Variants in SNX29 observed in about 807,000 individuals in gnomAD.
SNX29 encodes the protein sorting nexin 29, also known as sorting nexin-29.
In SNX29, 78 loss-of-function variants were observed where a neutral mutation model predicts 102.1. The ratio of observed to expected loss-of-function variants is 0.76; its 90% confidence interval spans 0.64 to 0.92. The LOEUF is 0.92. Among genes scored for constraint, SNX29 ranks in the 40% least tolerant of loss-of-function variants. The pLI is 0.00. For synonymous variants in SNX29, 580 were observed against 414.5 expected (o/e 1.40, Z -4.85); for missense variants, 1,280 against 1,061.7 (o/e 1.21, Z -2.86).
intron 1 of SNX29, among the ~76,000 whole-genome samples, chr16:11,984,605 TCCTCTCTCCCTCTCCTC>T (rs897681408): frequency 7.2e-5 from 11 of 152,116 alleles, no homozygotes; most frequent in African/African-American, 2.2e-4. Flanking sequence ...TAGCCTATCT[TCCTCTCTCCCTCTCCTC>T]CCTCTCTCCC....
At chr16:12,496,598 C>T (rs183710136) in intron 19 of SNX29, among the ~76,000 whole-genome samples, 27 of 150,214 alleles carry the variant, frequency 1.8e-4, no homozygotes, top group Admixed American at 5.3e-4. Context: ...GCAACCTCTG[C>T]CTCCTGGGTT....
At chr16:12,259,878 T>TCTCTG (rs2078682903) in intron 14 of SNX29, among the ~76,000 whole-genome samples, 1 of 147,208 alleles carries the variant, frequency 6.8e-6, no homozygotes, top group Admixed American at 6.8e-5. Flanking sequence ...ATAATGGACC[T>TCTCTG]CTCTGCTCAG....
chr16:12,039,132 A>T (rs2057559150), intron 4 of SNX29, among the ~76,000 whole-genome samples: 1 of 152,198 alleles, frequency 6.6e-6, no homozygotes, highest in African/African-American at 2.4e-5. Flanking sequence ...ACTCATACAG[A>T]TGTATACATT....
At chr16:12,039,020 G>T (rs753032012) in intron 4 of SNX29, among the ~76,000 whole-genome samples, 2 of 152,190 alleles carry the variant, frequency 1.3e-5, no homozygotes, top group Non-Finnish European at 2.9e-5. Flanking sequence ...TGAGACACAA[G>T]ATAGTCTCGA....
chr16:12,564,275 C>T (rs1178430168), intron 20 of SNX29, among the ~76,000 whole-genome samples: 1 of 152,168 alleles, frequency 6.6e-6, no homozygotes, highest in African/African-American at 2.4e-5. Flanking sequence ...GATGCCTCTA[C>T]CAGTAAAAGT....
intron 9 of SNX29, among the ~76,000 whole-genome samples, chr16:12,066,980 AAAATAAATAAATAAATAAAT>A (rs34221283): frequency 1.0e-3 from 135 of 133,746 alleles, no homozygotes; most frequent in Non-Finnish European, 5.9e-4. Flanking sequence ...CCGTGTCTCT[AAAATAAATAAATAAATAAAT>A]AAATAAATAA....
intron 14 of SNX29, among the ~76,000 whole-genome samples, chr16:12,233,115 C>T (rs1179217764): frequency 6.6e-6 from 1 of 151,914 alleles, no homozygotes; most frequent in African/African-American, 2.4e-5. Context: ...CTTTGTCTTC[C>T]TCCTCCTCCT....
At chr16:12,342,678 T>G (rs1447328853) in intron 15 of SNX29, among the ~76,000 whole-genome samples, 1 of 152,202 alleles carries the variant, frequency 6.6e-6, no homozygotes, top group Non-Finnish European at 1.5e-5. Flanking sequence ...AGAGCTCCTA[T>G]GGCCACCATT....
chr16:11,990,091 G>C (rs979173319), intron 1 of SNX29, among the ~76,000 whole-genome samples: 2 of 152,176 alleles, frequency 1.3e-5, no homozygotes, highest in African/African-American at 4.8e-5. Flanking sequence ...TGTTTCACCA[G>C]GGCGGCCAGC....
chr16:12,466,578 G>T (rs767919378), intron 18 of SNX29, among the ~76,000 whole-genome samples: 7 of 152,188 alleles, frequency 4.6e-5, no homozygotes, highest in Non-Finnish European at 1.0e-4. Context: ...TCTTTGAAAG[G>T]GGCCTTCATG....
chr16:12,533,496 T>G, intron 20 of SNX29, among the ~76,000 whole-genome samples: 1 of 152,198 alleles, frequency 6.6e-6, no homozygotes, highest in Non-Finnish European at 1.5e-5. Context: ...CTGGACAGAC[T>G]TGTCACATCA....
rs1408882934 is a variant in SNX29, at chr16:12,399,119, C to T, written c.1955+618C>T. Among the ~76,000 whole-genome samples, 6 of 152,158 alleles carry T rather than the reference C, an allele frequency of 3.9e-5. No homozygotes were observed. The East Asian group carries it at 5.8e-4, about 15-fold the overall frequency. ...AGGCTGGAGTGCAGTGGCACGATCT[C>T]GGCTCATTGCACCCTCCGCCTACCG... On this transcript the variant is annotated intron_variant, in intron 17 of 20. Transcript: ENST00000566228.
At position 12,230,972 on chromosome 16, in the gene SNX29, G is replaced by A. The variant is rs540578202; in HGVS notation, c.1678+31289G>A. 8.6e-5 allele frequency among the ~76,000 whole-genome samples: 13 copies of A among 152,032 alleles called. No individual in the cohort carries two copies. The South Asian group carries it at 2.7e-3, about 32-fold the overall frequency. On this transcript the variant is annotated intron_variant, in intron 14 of 20. Transcript: ENST00000566228. ...AGCGATTCTCCTGCCTCAGCCTCCCGAGTAGCTGGGACTATCTGTAGGCAT... is the reference window on the plus strand; with the variant it reads ...AGCGATTCTCCTGCCTCAGCCTCCCAAGTAGCTGGGACTATCTGTAGGCAT...
intron 15 of SNX29, among the ~76,000 whole-genome samples, chr16:12,285,178 C>T (rs945170948): frequency 1.3e-5 from 2 of 152,166 alleles, no homozygotes; most frequent in African/African-American, 2.4e-5. Context: ...CAGTAGATGC[C>T]GTTTCCCTTC....
chr16:12,564,112 G>A (rs1030874412), intron 20 of SNX29, among the ~76,000 whole-genome samples: 1 of 152,106 alleles, frequency 6.6e-6, no homozygotes, highest in African/African-American at 2.4e-5. Flanking sequence ...TCCTTGATTG[G>A]GTGTGGTGGA....
chr16:12,563,742 C>G (rs1423089546), intron 20 of SNX29, among the ~76,000 whole-genome samples: 1 of 152,228 alleles, frequency 6.6e-6, no homozygotes, highest in African/African-American at 2.4e-5. Flanking sequence ...TCATTCTTTA[C>G]CCAACAGCCA....
intron 14 of SNX29, among the ~76,000 whole-genome samples, chr16:12,262,657 A>G (rs1050364454): frequency 1.3e-5 from 2 of 152,228 alleles, no homozygotes; most frequent in African/African-American, 4.8e-5. Flanking sequence ...AAAACCAGTA[A>G]GAGTACATAA....
intron 11 of SNX29, among the ~76,000 whole-genome samples, chr16:12,092,537 A>T (rs138475099): frequency 6.6e-6 from 1 of 152,092 alleles, no homozygotes; most frequent in African/African-American, 2.4e-5. Flanking sequence ...GTTGTAGTGG[A>T]ATGATGCATT....
intron 20 of SNX29, among the ~76,000 whole-genome samples, chr16:12,529,522 G>C (rs924035348): frequency 6.6e-6 from 1 of 152,114 alleles, no homozygotes; most frequent in South Asian, 2.1e-4. Flanking sequence ...ATGGTTTTCT[G>C]CAGAGTAATT....
Sources: allele counts gnomAD v4.1 joint callset (sites outside exome capture counted in the v4.1 genomes callset), GRCh38; gene constraint gnomAD v4.1.1; transcripts MANE v1.5; gene names NCBI Gene and HGNC (gene_info 2026-07-23, HGNC 2026-07-21).